Variants in MYRIP observed in about 807,000 individuals in gnomAD.
The protein encoded by MYRIP is rab effector MyRIP.
Under a neutral mutation model 98.0 loss-of-function variants are expected in MYRIP, and 49 were observed. That is an observed-to-expected ratio of 0.50 (90% CI 0.40 to 0.63). The LOEUF (loss-of-function observed/expected upper bound fraction) is 0.63, where lower values mean the gene tolerates loss of function less well. Ranked by LOEUF, MYRIP falls within the 30% of genes least tolerant of loss-of-function variation. The pLI, the probability that MYRIP is intolerant of heterozygous loss-of-function variation, is 0.00. For missense variants in MYRIP, 1,004 were observed against 1,058.2 expected, an observed-to-expected ratio of 0.95 and a Z score of 0.71; for synonymous variants, 404 against 409.5, an observed-to-expected ratio of 0.99 and a Z score of 0.16.
chr3:40,187,609 G>A (rs72856974), intron 9 of MYRIP, among the ~76,000 whole-genome samples: 10,487 of 152,186 alleles, frequency 0.069, 1,161 homozygotes, highest in African/African-American at 0.24. Context: ...GCTTCCTCCC[G>A]GACCTCTGGC....
chr3:39,855,460 G>A (rs1176301071), intron 1 of MYRIP, among the ~76,000 whole-genome samples: 2 of 152,152 alleles, frequency 1.3e-5, no homozygotes, highest in African/African-American at 4.8e-5. Flanking sequence ...GGCAGGGGCA[G>A]AGGAAGGAGA....
chr3:40,015,166 T>C (rs148649230), intron 2 of MYRIP, among the ~76,000 whole-genome samples: 1 of 152,372 alleles, frequency 6.6e-6, no homozygotes, highest in African/African-American at 2.4e-5. Flanking sequence ...TTGTTCTTGC[T>C]GGTTCCTCAT....
At chr3:40,074,931 T>C (rs1948312158) in intron 3 of MYRIP, among the ~76,000 whole-genome samples, 1 of 152,060 alleles carries the variant, frequency 6.6e-6, no homozygotes. Context: ...ATGATACAAA[T>C]TCAAAGAGCT....
chr3:40,028,165 C>G (rs560933377), intron 2 of MYRIP, among the ~76,000 whole-genome samples: 1 of 152,054 alleles, frequency 6.6e-6, no homozygotes, highest in Non-Finnish European at 1.5e-5. Flanking sequence ...AATGCTTTAC[C>G]CTCTAACAAC....
chr3:39,867,426 T>C (rs2125625833), intron 1 of MYRIP, among the ~76,000 whole-genome samples: 1 of 152,266 alleles, frequency 6.6e-6, no homozygotes, highest in South Asian at 2.1e-4. Flanking sequence ...ACGTATCTAA[T>C]AAGATTTTAA....
chr3:39,852,258 C>T (rs931167671), intron 1 of MYRIP, among the ~76,000 whole-genome samples: 11 of 152,220 alleles, frequency 7.2e-5, no homozygotes, highest in African/African-American at 2.7e-4. Flanking sequence ...CAGCACACAG[C>T]TTCACCTGAC....
chr3:39,962,430 A>G (rs1945344863), intron 2 of MYRIP, among the ~76,000 whole-genome samples: 1 of 149,094 alleles, frequency 6.7e-6, no homozygotes, highest in African/African-American at 2.5e-5. Flanking sequence ...CAAAGCACTA[A>G]TGGCTACATG....
chr3:39,900,349 TA>T (rs1364975988), intron 1 of MYRIP, among the ~76,000 whole-genome samples: 1 of 137,372 alleles, frequency 7.3e-6, no homozygotes, highest in African/African-American at 3.2e-5. Flanking sequence ...TAAAGTATTA[TA>T]ATTTTTTTTA....
chr3:40,228,706 G>A (rs1559466009), intron 11 of MYRIP, among the ~76,000 whole-genome samples: 1 of 152,212 alleles, frequency 6.6e-6, no homozygotes, highest in African/African-American at 2.4e-5. Flanking sequence ...CCAGGCACAT[G>A]TACACATCCT....
chr3:40,189,859 A>C lies in MYRIP; in HGVS notation c.1061A>C (p.Asn354Thr). ...CCAGTTTTGCAGAGCCCCGACGGGA[A>C]CTGGGTGGCCCTGAAGGATGGCGCT... ...LAPVLQSPDG[N>T]WVALKDGAPP... Residue 354 changes from asparagine to threonine, a missense_variant, in exon 10 of 17, where the codon AAC becomes ACC. Around this residue, in one of 3 missense-constraint regions of MYRIP, gnomAD observed 880 missense variants for 907.7 expected, o/e 0.97. Transcript: ENST00000302541. 6.2e-7 allele frequency: 1 copy of C among 1,613,850 alleles called. No individual in the cohort carries two copies. Among genetic ancestry groups the C allele is most frequent in the Non-Finnish European group, 8.5e-7 (1 of 1,179,914 alleles).
At chr3:39,976,781 C>G (rs977963958) in intron 2 of MYRIP, among the ~76,000 whole-genome samples, 12 of 152,080 alleles carry the variant, frequency 7.9e-5, no homozygotes, top group Admixed American at 5.9e-4. Context: ...TCATTCTTAG[C>G]AAACTATCAC....
At position 39,850,127 on chromosome 3, in the gene MYRIP, G is replaced by A. The variant is rs17051841; in HGVS notation, c.-31+40211G>A. Among the ~76,000 whole-genome samples the A allele has an allele frequency of 7.9e-3, 1,201 of 152,254 alleles. 10 individuals carry two copies. The highest frequency in any genetic ancestry group is 0.027 in the African/African-American group (1,134 of 41,520). On this transcript the variant is annotated intron_variant, in intron 1 of 16. Transcript: ENST00000302541. ...TAGAGGACTAGTCTAGGGGGAAGCTGCAAACCTCTCCAGGAAGCTCTATTT... is the reference window on the plus strand; with the variant it reads ...TAGAGGACTAGTCTAGGGGGAAGCTACAAACCTCTCCAGGAAGCTCTATTT...
At chr3:39,852,309 C>T (rs1321370771) in intron 1 of MYRIP, among the ~76,000 whole-genome samples, 1 of 152,176 alleles carries the variant, frequency 6.6e-6, no homozygotes, top group Non-Finnish European at 1.5e-5. Context: ...CAGAGCACAC[C>T]TCTGGTCCCA....
chr3:39,976,858 G>T (rs1303081461), intron 2 of MYRIP, among the ~76,000 whole-genome samples: 2 of 152,054 alleles, frequency 1.3e-5, no homozygotes, highest in Non-Finnish European at 2.9e-5. Flanking sequence ...AGAACACATG[G>T]ACACAGGAAG....
At chr3:40,108,082 G>A (rs185980890) in intron 3 of MYRIP, among the ~76,000 whole-genome samples, 3 of 152,160 alleles carry the variant, frequency 2.0e-5, no homozygotes, top group African/African-American at 7.2e-5. Flanking sequence ...CAGAAGGAAA[G>A]TGTTAGCAGA....
chr3:39,859,979 T>C (rs1311969723), intron 1 of MYRIP, among the ~76,000 whole-genome samples: 1 of 152,218 alleles, frequency 6.6e-6, no homozygotes, highest in Non-Finnish European at 1.5e-5. Context: ...CTCTCACTGC[T>C]TCTATTCAAC....
chr3:40,164,185 C>A lies in MYRIP; in HGVS notation c.550+1375C>A, dbSNP rs545645332. Among the ~76,000 whole-genome samples the A allele has an allele frequency of 4.6e-5, 7 of 152,276 alleles. No homozygotes were observed. In the East Asian group the frequency reaches 1.4e-3, roughly 29 times the overall value. On this transcript the variant is annotated intron_variant, in intron 5 of 16. Coordinates refer to ENST00000302541, the MANE Select transcript of MYRIP (RefSeq NM_015460.4). ...ACAGCTACCCAAGTACCTGTCAGCT[C>A]TGTTTTCAATCTTACACTTTTCTTT...
chr3:40,130,710 A>G (rs1949620856), intron 3 of MYRIP, among the ~76,000 whole-genome samples: 1 of 151,466 alleles, frequency 6.6e-6, no homozygotes. Context: ...TCCTAAGAAT[A>G]TATATATATG....
At chr3:40,124,601 T>C (rs1949482048) in intron 3 of MYRIP, among the ~76,000 whole-genome samples, 1 of 152,188 alleles carries the variant, frequency 6.6e-6, no homozygotes, top group African/African-American at 2.4e-5. Context: ...ATTTGAGGCT[T>C]CTTAGGGAGG....
Sources: allele counts gnomAD v4.1 joint callset (sites outside exome capture counted in the v4.1 genomes callset), GRCh38; gene constraint gnomAD v4.1.1; regional missense constraint gnomAD v4.1.1; transcripts MANE v1.5; gene names NCBI Gene and HGNC (gene_info 2026-07-23, HGNC 2026-07-21).